Variants in OPCML observed in about 807,000 individuals in gnomAD.
The protein encoded by OPCML is opioid binding protein/cell adhesion molecule like.
In OPCML, 13 loss-of-function variants were observed where a neutral mutation model predicts 37.8. The ratio of observed to expected loss-of-function variants is 0.34; its 90% CI spans 0.22 to 0.55. The LOEUF is 0.55. Ranked by LOEUF, OPCML falls within the 20% of genes least tolerant of loss-of-function variation. OPCML has a pLI of 0.91. For synonymous variants in OPCML, 176 were observed against 168.8 expected, an observed-to-expected ratio of 1.04 and a Z score of -0.33; for missense variants, 341 against 435.6, an observed-to-expected ratio of 0.78 and a Z score of 1.93.
At chr11:133,348,922 C>G (rs1944064462) in intron 1 of OPCML, among the ~76,000 whole-genome samples, 1 of 152,320 alleles carries the variant, frequency 6.6e-6, no homozygotes, top group Non-Finnish European at 1.5e-5. Flanking sequence ...ACCCTCACCA[C>G]AGCTGAGACA....
chr11:132,946,167 A>G (rs1055032118), intron 1 of OPCML, among the ~76,000 whole-genome samples: 4 of 152,190 alleles, frequency 2.6e-5, no homozygotes, highest in African/African-American at 9.7e-5. Context: ...GATCAGTATC[A>G]GTGTCTTCTG....
chr11:133,231,006 C>T (rs1565518572), intron 1 of OPCML, among the ~76,000 whole-genome samples: 1 of 152,152 alleles, frequency 6.6e-6, no homozygotes, highest in African/African-American at 2.4e-5. Context: ...CATTTGCAAA[C>T]AGATTTAATA....
intron 4 of OPCML, among the ~76,000 whole-genome samples, chr11:132,452,099 T>C (rs911761971): frequency 6.6e-6 from 1 of 152,170 alleles, no homozygotes; most frequent in Non-Finnish European, 1.5e-5. Flanking sequence ...ATGGAAGGAA[T>C]GAGAAACATT....
rs138444770 is a variant in OPCML, at chr11:132,565,611, G to A, written c.380-36425C>T. On this transcript the variant is annotated intron_variant, in intron 3 of 7. Transcript: ENST00000524381. ...TGGCCCTCAAACCACCCCAGTCTGC[G>A]ACTGACAGTTCTCAATGCTTACAAG... Among the ~76,000 whole-genome samples, 1,265 of 152,252 alleles carry A rather than the reference G, an allele frequency of 8.3e-3. 56 individuals are homozygous for A. Among genetic ancestry groups the A allele is most frequent in the Non-Finnish European group, 1.9e-3 (130 of 68,026 alleles).
In OPCML at chr11:132,755,345, T is replaced by C. The variant is rs192311526; in HGVS notation, c.147-98026A>G. Among the ~76,000 whole-genome samples, 3 of 152,222 alleles carry C rather than the reference T, an allele frequency of 2.0e-5. No individual in the cohort carries two copies. In the East Asian group the frequency reaches 5.8e-4, roughly 29 times the overall value. On this transcript the variant is annotated intron_variant, in intron 2 of 7. Coordinates refer to ENST00000524381, the MANE Select transcript of OPCML (RefSeq NM_001012393.5). The stretch of plus-strand genomic sequence containing the variant: ...CTACAGAAACACAATATGGTCCTCA[T>C]GCTTAATATAATCAACAAACATTCC...
chr11:132,897,387 C>A (rs1238287489), intron 2 of OPCML, among the ~76,000 whole-genome samples: 1 of 152,182 alleles, frequency 6.6e-6, no homozygotes, highest in African/African-American at 2.4e-5. Context: ...ACCTACCAAG[C>A]CAGGAAGGGC....
At position 132,949,583 on chromosome 11, in the gene OPCML, C is replaced by T. The variant is rs531473268; in HGVS notation, c.62-6573G>A. 1.6e-4 allele frequency among the ~76,000 whole-genome samples: 24 copies of T among 152,286 alleles called. 1 individual carries two copies. The South Asian group carries it at 1.9e-3, about 12-fold the overall frequency. ...ACATTATCTGCCTTATAGTCTTTGA[C>T]GGATCAGTCTCACACAGAGGGTGAT... On this transcript the variant is annotated intron_variant, in intron 1 of 7. Transcript: ENST00000524381.
intron 4 of OPCML, among the ~76,000 whole-genome samples, chr11:132,452,229 G>C (rs957876802): frequency 8.5e-5 from 13 of 152,134 alleles, no homozygotes; most frequent in African/African-American, 3.1e-4. Context: ...TAGGCACCCA[G>C]AAGATTATTA....
rs1563154 is a variant in OPCML at position 133,161,599 on chromosome 11, T to G, written c.62-218589A>C. On this transcript the variant is annotated intron_variant, in intron 1 of 7. Coordinates refer to ENST00000524381, the MANE Select transcript of OPCML (RefSeq NM_001012393.5). ...TTCTGTCAGCTGGCCGATATTGAGG[T>G]TCACCACATAATGGAAACAGTGCTT... is the stretch of plus-strand genomic sequence containing the variant. Among the ~76,000 whole-genome samples the G allele has an allele frequency of 7.2e-3, 1,094 of 152,202 alleles. 23 individuals are homozygous for G. The highest frequency in any genetic ancestry group is 0.037 in the Admixed American group (572 of 15,292).
At position 133,309,927 on chromosome 11, in the gene OPCML, T is replaced by C. The variant is rs540641990; in HGVS notation, c.61+222337A>G. On this transcript the variant is annotated intron_variant, in intron 1 of 7. Coordinates refer to ENST00000524381, the MANE Select transcript of OPCML (RefSeq NM_001012393.5). ...GCAATGAGGACTTCATTCTGGCACA[T>C]GCTGACTTTGAGGTGCTTCTGGGAC... Among the ~76,000 whole-genome samples, 5 of 152,342 alleles carry C rather than the reference T, an allele frequency of 3.3e-5. No homozygotes were observed. In the South Asian group the frequency reaches 1.0e-3, roughly 32 times the overall value.
intron 1 of OPCML, among the ~76,000 whole-genome samples, chr11:133,364,912 C>T (rs575350847): frequency 4.0e-5 from 6 of 149,428 alleles, no homozygotes; most frequent in South Asian, 4.2e-4. Context: ...CAAATTGAGA[C>T]TGATGCTGTC....
chr11:132,443,057 TC>T (rs1265759903), intron 4 of OPCML, among the ~76,000 whole-genome samples: 10 of 152,314 alleles, frequency 6.6e-5, no homozygotes, highest in African/African-American at 2.4e-4. Context: ...TCTAAGCATC[TC>T]CACCCTGACT....
chr11:132,722,159 G>A (rs916174545), intron 2 of OPCML, among the ~76,000 whole-genome samples: 50 of 151,568 alleles, frequency 3.3e-4, no homozygotes, highest in African/African-American at 1.2e-3. Flanking sequence ...GTTTCACAGT[G>A]TTAGCCAGGA....
In OPCML at chr11:133,162,309, C is replaced by A. The variant is rs182956415; in HGVS notation, c.62-219299G>T. On this transcript the variant is annotated intron_variant, in intron 1 of 7. Transcript: ENST00000524381. Reference sequence around the variant, plus strand: ...ACAAGGCCCAGAAGCAACAAGAAGGCACTCTCAGGGCTGGTGAGCAGGCAG... The same window carrying A: ...ACAAGGCCCAGAAGCAACAAGAAGGAACTCTCAGGGCTGGTGAGCAGGCAG... Among the ~76,000 whole-genome samples the A allele has an allele frequency of 3.1e-4, 47 of 152,312 alleles. 1 individual carries two copies. Among genetic ancestry groups the A allele is most frequent in the African/African-American group, 1.1e-3 (45 of 41,574 alleles).
intron 1 of OPCML, among the ~76,000 whole-genome samples, chr11:133,332,011 A>G (rs1388403075): frequency 6.6e-6 from 1 of 152,202 alleles, no homozygotes; most frequent in Non-Finnish European, 1.5e-5. Flanking sequence ...AGAATCTGTA[A>G]ATTGCTTTGG....
intron 2 of OPCML, among the ~76,000 whole-genome samples, chr11:132,675,285 A>G (rs1405820426): frequency 1.3e-5 from 2 of 151,878 alleles, no homozygotes; most frequent in Non-Finnish European, 2.9e-5. Flanking sequence ...CTGCATATAT[A>G]AAAGATTTCA....
intron 1 of OPCML, among the ~76,000 whole-genome samples, chr11:133,373,355 G>A (rs1435351607): frequency 1.3e-5 from 2 of 150,476 alleles, no homozygotes; most frequent in Non-Finnish European, 3.0e-5. Context: ...TTGAGACCAG[G>A]AGTTTGAGAC....
intron 1 of OPCML, among the ~76,000 whole-genome samples, chr11:133,244,891 G>A (rs964124631): frequency 6.6e-6 from 1 of 152,164 alleles, no homozygotes; most frequent in Admixed American, 6.5e-5. Flanking sequence ...GTGTGAGAAT[G>A]GACTAATACA....
chr11:133,378,730 CTT>C, intron 1 of OPCML, among the ~76,000 whole-genome samples: 1 of 118,228 alleles, frequency 8.5e-6, no homozygotes, highest in African/African-American at 3.1e-5. Flanking sequence ...CTTTTTTTGT[CTT>C]TTTTTGTTTT....
Sources: gnomAD v4.1 joint callset for allele counts (sites outside exome capture counted in the v4.1 genomes callset) on GRCh38, gnomAD v4.1.1 for gene constraint, MANE v1.5 for transcripts, NCBI Gene and HGNC (gene_info 2026-07-23, HGNC 2026-07-21) for gene names.